ASXL3: variants seen among roughly 807,000 people sequenced by gnomAD.
ASXL3 encodes putative Polycomb group protein ASXL3.
In ASXL3, 34 loss-of-function variants were observed where a neutral mutation model predicts 170.6. The ratio of observed to expected loss-of-function variants is 0.20; its 90% CI spans 0.15 to 0.27. The LOEUF (loss-of-function observed/expected upper bound fraction) is 0.27. ASXL3 is among the 10% of genes least tolerant of loss of function. The pLI, the probability that ASXL3 is intolerant of heterozygous loss-of-function variation, is 1.00. For missense variants in ASXL3, 2,592 were observed against 2,695.3 expected, an observed-to-expected ratio of 0.96 and a Z score of 0.85; for synonymous variants, 1,002 against 989.1, an observed-to-expected ratio of 1.01 and a Z score of -0.24.
intron 8 of ASXL3, among the ~76,000 whole-genome samples, chr18:33,694,246 G>T (rs2066736144): frequency 6.6e-6 from 1 of 152,154 alleles, no homozygotes; most frequent in South Asian, 2.1e-4. Flanking sequence ...ATAGCGTTCT[G>T]CAAGATGTGC....
At chr18:33,648,646 T>C (rs1028228585) in intron 4 of ASXL3, among the ~76,000 whole-genome samples, 3 of 152,022 alleles carry the variant, frequency 2.0e-5, no homozygotes, top group Non-Finnish European at 4.4e-5. Flanking sequence ...TAGATGGTAG[T>C]TAAAGACAGG....
rs1298016765 is a variant in ASXL3 at position 33,738,479 on chromosome 18, C to A, written c.1083-8C>A. On this transcript the variant is annotated splice_polypyrimidine_tract_variant and splice_region_variant and intron_variant, in intron 10 of 11. Coordinates refer to ENST00000269197, the MANE Select transcript of ASXL3 (RefSeq NM_030632.3). ...TTGAGCAATAATTTATTTCTAATTT[C>A]TGTACAGGCTGGGCATGTCAAGAGA... The A allele has an allele frequency of 1.3e-6, 2 of 1,581,852 alleles. No individual in the cohort carries two copies. Among genetic ancestry groups the A allele is most frequent in the South Asian group, 2.3e-5 (2 of 87,074 alleles).
Position 33,580,608 on chromosome 18 carries a change from A to G in ASXL3, c.54+1923A>G, listed in dbSNP as rs75704472. On this transcript the variant is annotated intron_variant, in intron 1 of 11. Coordinates refer to ENST00000269197, the MANE Select transcript of ASXL3 (RefSeq NM_030632.3). ...TTGTATTCAATCAGTATATGTTACT[A>G]TTCTTGAAGGTACTGTGTTTTATTT... is the stretch of plus-strand genomic sequence containing the variant. Among the ~76,000 whole-genome samples, 1,137 of 152,318 alleles carry G rather than the reference A, an allele frequency of 7.5e-3. 17 individuals are homozygous for G. Among genetic ancestry groups the G allele is most frequent in the African/African-American group, 0.026 (1,064 of 41,564 alleles).
At chr18:33,731,509 G>A (rs1168249938) in intron 8 of ASXL3, among the ~76,000 whole-genome samples, 1 of 152,068 alleles carries the variant, frequency 6.6e-6, no homozygotes, top group Non-Finnish European at 1.5e-5. Context: ...TCATGCGGCT[G>A]CATCAGGTTC....
At chr18:33,671,713 A>T in intron 6 of ASXL3, 34 bp from the exon 7 acceptor site, 3 of 1,547,644 alleles carry the variant, frequency 1.9e-6, no homozygotes, top group Non-Finnish European at 2.6e-6. Context: ...ACAGCTAGAG[A>T]AGATAATGAC....
rs771135271 is a variant in ASXL3, at chr18:33,659,370, C to A, written c.356-2246C>A. ...TAATATCTATGGACTGCATTTAGTT[C>A]TCCTTTAAACGAACTAACCTGTAAG... On this transcript the variant is annotated intron_variant, in intron 4 of 11. Coordinates refer to ENST00000269197, the MANE Select transcript of ASXL3 (RefSeq NM_030632.3). 2.0e-5 allele frequency among the ~76,000 whole-genome samples: 3 copies of A among 152,078 alleles called. 1 individual carries two copies. In the South Asian group the frequency reaches 6.2e-4, roughly 31 times the overall value.
At chr18:33,582,733 TGTGTGTG>T (rs2065004237) in intron 1 of ASXL3, among the ~76,000 whole-genome samples, 4 of 150,770 alleles carry the variant, frequency 2.7e-5, no homozygotes, top group African/African-American at 7.4e-5. Flanking sequence ...TGTGTGTGTG[TGTGTGTG>T]TTTTCTTGGT....
chr18:33,661,521 C>T, intron 4 of ASXL3, 95 bp from the exon 5 acceptor site: 5 of 1,218,214 alleles, frequency 4.1e-6, no homozygotes, highest in South Asian at 3.2e-5. Context: ...TTTAGGTATC[C>T]ATTTTCAATT....
At chr18:33,659,895 C>A (rs1210240301) in intron 4 of ASXL3, among the ~76,000 whole-genome samples, 5 of 152,114 alleles carry the variant, frequency 3.3e-5, no homozygotes, top group African/African-American at 1.2e-4. Flanking sequence ...CATAGTATTT[C>A]CTAGACCCAT....
intron 5 of ASXL3, among the ~76,000 whole-genome samples, chr18:33,667,495 T>C (rs2066276943): frequency 6.6e-6 from 1 of 152,206 alleles, no homozygotes; most frequent in Non-Finnish European, 1.5e-5. Context: ...ACTCCTTTTT[T>C]CCATCTACTC....
intron 8 of ASXL3, among the ~76,000 whole-genome samples, chr18:33,721,786 CACAAAT>C (rs1166216045): frequency 6.6e-6 from 1 of 152,050 alleles, no homozygotes; most frequent in Admixed American, 6.6e-5. Flanking sequence ...TATTGCACTT[CACAAAT>C]ACTGTTTTTT....
chr18:33,687,370 G>A (rs1434789606), intron 8 of ASXL3, among the ~76,000 whole-genome samples: 1 of 152,164 alleles, frequency 6.6e-6, no homozygotes, highest in Non-Finnish European at 1.5e-5. Context: ...GCATGGAAAT[G>A]TGAATTTGAT....
rs1194696536 is a variant in ASXL3 at position 33,744,517 on chromosome 18, A to G, written c.4669A>G (p.Thr1557Ala). 6.2e-6 allele frequency: 10 copies of G among 1,612,404 alleles called. No individual in the cohort carries two copies. The highest frequency in any genetic ancestry group is 5.0e-5 in the Admixed American group (3 of 59,950). ...QDSKTLPATC[T>A]SLRELPLVPD... Reference sequence around the variant, plus strand: ...CAGTAAAACATTGCCGGCCACCTGCACAAGTCTCCGAGAATTACCCCTTGT... The same window carrying G: ...CAGTAAAACATTGCCGGCCACCTGCGCAAGTCTCCGAGAATTACCCCTTGT... The change falls in exon 12 of 12, where the codon ACA (threonine) becomes GCA (alanine). Residue 1557 changes from threonine (T) to alanine (A), a missense_variant. Physicochemically the swap from Thr to Ala is moderately conservative, Grantham distance 58. Coordinates refer to ENST00000269197, the MANE Select transcript of ASXL3 (RefSeq NM_030632.3).
Position 33,599,940 on chromosome 18 carries a change from G to A in ASXL3, c.55-7654G>A, listed in dbSNP as rs1194554982. Among the ~76,000 whole-genome samples, 4 of 151,928 alleles carry A rather than the reference G, an allele frequency of 2.6e-5. No individual in the cohort carries two copies. The East Asian group carries it at 5.8e-4, about 22-fold the overall frequency. On this transcript the variant is annotated intron_variant, in intron 1 of 11. Coordinates refer to ENST00000269197, the MANE Select transcript of ASXL3 (RefSeq NM_030632.3). ...TGAGGTGGCTGCTGAAAAAAAGCAC[G>A]TCATATTAGGTTAATGTAGTTACTG...
chr18:33,671,827 A>G lies in ASXL3; in HGVS notation c.676A>G (p.Thr226Ala), dbSNP rs1401187446. Residue 226 changes from threonine to alanine, a missense_variant, in exon 7 of 12, where the codon ACA becomes GCA. Around this residue, in one of 4 missense-constraint regions of ASXL3, gnomAD observed 251 missense variants for 281.9 expected, o/e 0.89. Transcript: ENST00000269197. ...HGQKSPTGKQ[T>A]SQHLKRLKKS... ...GCAAAAATCTCCCACTGGAAAACAA[A>G]CAAGTCAGCACTTAAAACGATTAAA... 1.2e-6 allele frequency: 2 copies of G among 1,611,356 alleles called. No individual in the cohort carries two copies. The highest frequency in any genetic ancestry group is 2.2e-5 in the East Asian group (1 of 44,720).
intron 1 of ASXL3, among the ~76,000 whole-genome samples, chr18:33,596,791 T>C (rs544489061): frequency 6.6e-6 from 1 of 152,308 alleles, no homozygotes; most frequent in African/African-American, 2.4e-5. Flanking sequence ...GAGCTGACCT[T>C]CTTTCTCTCT....
intron 1 of ASXL3, among the ~76,000 whole-genome samples, chr18:33,593,262 T>C (rs1417848326): frequency 7.0e-6 from 1 of 143,786 alleles, no homozygotes; most frequent in African/African-American, 2.6e-5. Context: ...GCCCACCTTT[T>C]TTTTTTTTTT....
At chr18:33,694,218 C>T (rs1236092139) in intron 8 of ASXL3, among the ~76,000 whole-genome samples, 1 of 152,082 alleles carries the variant, frequency 6.6e-6, no homozygotes, top group Non-Finnish European at 1.5e-5. Flanking sequence ...GGGTTTGTAG[C>T]CAGACATGCC....
chr18:33,598,975 G>A (rs533644646), intron 1 of ASXL3, among the ~76,000 whole-genome samples: 6 of 152,234 alleles, frequency 3.9e-5, no homozygotes, highest in African/African-American at 1.2e-4. Context: ...ATGTGATAGG[G>A]TTGTTAAAAG....
Sources: allele counts gnomAD v4.1 joint callset (sites outside exome capture counted in the v4.1 genomes callset), GRCh38; gene constraint gnomAD v4.1.1; regional missense constraint gnomAD v4.1.1; transcripts MANE v1.5; gene names NCBI Gene and HGNC (gene_info 2026-07-23, HGNC 2026-07-21).